Variants in EYA1 observed in about 807,000 individuals in gnomAD.
EYA1 encodes the protein protein phosphatase EYA1.
A neutral mutation model predicts 82.0 loss-of-function variants in EYA1; 16 were observed. The ratio of observed to expected loss-of-function variants is 0.20; its 90% CI spans 0.13 to 0.30. The LOEUF (loss-of-function observed/expected upper bound fraction) is 0.30. EYA1 is among the 10% of genes least tolerant of loss of function. EYA1 has a pLI of 1.00. For missense variants in EYA1, 633 were observed against 730.7 expected, an observed-to-expected ratio of 0.87 and a Z score of 1.54; for synonymous variants, 261 against 264.4, an observed-to-expected ratio of 0.99 and a Z score of 0.12.
chr8:71,227,031 T>C (rs914966785), intron 12 of EYA1, among the ~76,000 whole-genome samples: 5 of 152,288 alleles, frequency 3.3e-5, no homozygotes, highest in African/African-American at 9.6e-5. Context: ...CCAAATTATA[T>C]TGTACAATTT....
chr8:71,371,154 G>A (rs1284754632), intron 2 of EYA1, among the ~76,000 whole-genome samples: 1 of 152,196 alleles, frequency 6.6e-6, no homozygotes, highest in Non-Finnish European at 1.5e-5. Context: ...TTGGGTACAA[G>A]TCAGTATAAG....
At chr8:71,220,945 C>A (rs1809826854) in intron 12 of EYA1, among the ~76,000 whole-genome samples, 1 of 152,178 alleles carries the variant, frequency 6.6e-6, no homozygotes, top group South Asian at 2.1e-4. Context: ...AGTTATCAGT[C>A]CTTGCCCTCA....
At chr8:71,512,567 C>A (rs532440980) in intron 2 of EYA1, among the ~76,000 whole-genome samples, 1 of 151,366 alleles carries the variant, frequency 6.6e-6, no homozygotes, top group East Asian at 1.9e-4. Context: ...TCAGGGACAC[C>A]AAACAAGCTG....
chr8:71,380,563 G>T (rs1462430665), intron 2 of EYA1, among the ~76,000 whole-genome samples: 1 of 152,112 alleles, frequency 6.6e-6, no homozygotes, highest in African/African-American at 2.4e-5. Context: ...CCTCAAACCT[G>T]ATCTCCTCAT....
At chr8:71,433,777 A>G (rs1033065414) in intron 2 of EYA1, among the ~76,000 whole-genome samples, 9 of 152,212 alleles carry the variant, frequency 5.9e-5, no homozygotes, top group Non-Finnish European at 1.5e-5. Context: ...CAGGGGCCAG[A>G]TCATTCAGCA....
intron 2 of EYA1, among the ~76,000 whole-genome samples, chr8:71,393,505 C>A (rs1829400049): frequency 6.6e-6 from 1 of 152,168 alleles, no homozygotes; most frequent in Admixed American, 6.5e-5. Context: ...TCCAAGTGTT[C>A]TCATTGTTCA....
intron 2 of EYA1, among the ~76,000 whole-genome samples, chr8:71,425,741 G>A (rs1475856210): frequency 6.6e-6 from 1 of 152,122 alleles, no homozygotes; most frequent in Non-Finnish European, 1.5e-5. Context: ...GGCATCACTG[G>A]TATCATTGGA....
At chr8:71,475,399 A>G (rs907322787) in intron 2 of EYA1, among the ~76,000 whole-genome samples, 1 of 152,210 alleles carries the variant, frequency 6.6e-6, no homozygotes, top group Non-Finnish European at 1.5e-5. Flanking sequence ...ATATTTTTAA[A>G]CTATGTGATA....
intron 2 of EYA1, among the ~76,000 whole-genome samples, chr8:71,497,132 G>C (rs1475537930): frequency 6.6e-6 from 1 of 152,128 alleles, no homozygotes; most frequent in African/African-American, 2.4e-5. Flanking sequence ...CAATCTTTTG[G>C]CTTCCCTGGC....
intron 2 of EYA1, among the ~76,000 whole-genome samples, chr8:71,370,436 C>A (rs1277030423): frequency 6.7e-6 from 1 of 149,920 alleles, no homozygotes; most frequent in African/African-American, 2.5e-5. Context: ...ACAGAATTCC[C>A]ACACTTAAGG....
intron 2 of EYA1, among the ~76,000 whole-genome samples, chr8:71,476,660 C>T (rs1040145232): frequency 1.1e-4 from 17 of 152,042 alleles, no homozygotes; most frequent in Admixed American, 6.5e-5. Flanking sequence ...AATTGATCTA[C>T]ACATTCAATG....
intron 2 of EYA1, among the ~76,000 whole-genome samples, chr8:71,465,901 T>C (rs959026978): frequency 2.6e-5 from 4 of 152,178 alleles, no homozygotes; most frequent in African/African-American, 9.7e-5. Flanking sequence ...AATTATTAGT[T>C]ACCTATAGTT....
At chr8:71,489,386 G>A (rs762306959) in intron 2 of EYA1, among the ~76,000 whole-genome samples, 1 of 151,020 alleles carries the variant, frequency 6.6e-6, no homozygotes, top group African/African-American at 2.4e-5. Context: ...TGTACTATAT[G>A]GCAATTCCTA....
chr8:71,477,781 G>A (rs751031603), intron 2 of EYA1, among the ~76,000 whole-genome samples: 1 of 152,080 alleles, frequency 6.6e-6, no homozygotes, highest in Non-Finnish European at 1.5e-5. Flanking sequence ...ACAAAGACTT[G>A]TAAAAGAATG....
intron 11 of EYA1, 65 bp from the exon 12 acceptor site, chr8:71,244,757 A>C: frequency 4.2e-6 from 4 of 959,812 alleles, no homozygotes; most frequent in East Asian, 5.0e-5. Context: ...AGAGTGTCTC[A>C]TTAAGAGGAA....
At chr8:71,232,734 G>A (rs958414726) in intron 12 of EYA1, among the ~76,000 whole-genome samples, 1 of 151,266 alleles carries the variant, frequency 6.6e-6, no homozygotes, top group Non-Finnish European at 1.5e-5. Context: ...TTCTACAAGA[G>A]AATTTGGCAG....
chr8:71,246,185 G>A (rs7821945), intron 11 of EYA1, among the ~76,000 whole-genome samples: 65,332 of 152,078 alleles, frequency 0.43, 16,253 homozygotes, highest in African/African-American at 0.69. Flanking sequence ...ACCAACTTTC[G>A]TATGTATGCC....
intron 11 of EYA1, among the ~76,000 whole-genome samples, chr8:71,268,871 T>C (rs1329722768): frequency 1.3e-5 from 2 of 152,194 alleles, no homozygotes; most frequent in African/African-American, 4.8e-5. Flanking sequence ...TGGTATTAAT[T>C]CTAACACTTA....
chr8:71,254,610 C>A (rs55672646), intron 11 of EYA1, among the ~76,000 whole-genome samples: 14,370 of 152,074 alleles, frequency 0.094, 967 homozygotes, highest in African/African-American at 0.19. Context: ...AAGCCCACAA[C>A]GAACATCATA....
Sources: allele counts gnomAD v4.1 joint callset (sites outside exome capture counted in the v4.1 genomes callset), GRCh38; gene constraint gnomAD v4.1.1; transcripts MANE v1.5; gene names NCBI Gene and HGNC (gene_info 2026-07-23, HGNC 2026-07-21).